FER1L5: variants seen among roughly 807,000 people sequenced by gnomAD.
The protein encoded by FER1L5 is fer-1-like protein 5.
A neutral mutation model predicts 279.9 loss-of-function variants in FER1L5; 187 were observed. That is an observed-to-expected ratio of 0.67 (90% CI 0.59 to 0.75). The LOEUF (loss-of-function observed/expected upper bound fraction) is 0.75. Ranked by LOEUF, FER1L5 falls within the 30% of genes least tolerant of loss-of-function variation. The pLI is 0.00. For synonymous variants in FER1L5, 921 were observed against 989.7 expected (o/e 0.93, Z 1.30); for missense variants, 2,091 against 2,594.4 (o/e 0.81, Z 4.21).
chr2:96,686,537 T>C (rs1311158932), intron 23 of FER1L5, among the ~76,000 whole-genome samples, 187 bp downstream of exon 23: 1 of 152,136 alleles, frequency 6.6e-6, no homozygotes, highest in Non-Finnish European at 1.5e-5. Context: ...TGATGCCAAG[T>C]CCATGTACCT....
At chr2:96,660,590 T>C (rs1163395157) in intron 10 of FER1L5, among the ~76,000 whole-genome samples, 1 of 152,276 alleles carries the variant, frequency 6.6e-6, no homozygotes, top group Non-Finnish European at 1.5e-5. Context: ...AGTCTCACTC[T>C]GTTGCCCAGG....
In FER1L5 at chr2:96,687,827, TGAA is replaced by T; in HGVS notation, c.2243_2245del (p.Glu748del). The stretch of plus-strand genomic sequence containing the variant: ...GGCCTCTGGCTCAGTACCCAGAGGG[TGAA>T]GGACAGAAGGATGTGCTCCCAGCTC... On this transcript the variant is annotated inframe_deletion, in exon 24 of 53. Coordinates refer to ENST00000624922, the MANE Select transcript of FER1L5 (RefSeq NM_001293083.2). The T allele has an allele frequency of 1.3e-6, 2 of 1,550,538 alleles. No homozygotes were observed. The highest frequency in any genetic ancestry group is 1.7e-6 in the Non-Finnish European group (2 of 1,146,816).
In FER1L5 at chr2:96,642,819, A is replaced by G. The variant is rs2106392390; in HGVS notation, c.-18A>G. 1 of 1,549,906 alleles carries G rather than the reference A, an allele frequency of 6.5e-7. No individual in the cohort carries two copies. The highest frequency in any genetic ancestry group is 8.7e-7 in the Non-Finnish European group (1 of 1,146,172). On this transcript the variant is annotated 5_prime_UTR_variant, in exon 1 of 53. Coordinates refer to ENST00000624922, the MANE Select transcript of FER1L5 (RefSeq NM_001293083.2). The stretch of plus-strand genomic sequence containing the variant: ...GTGGCGCTGCGTAGGGAAGGAGGGA[A>G]GAAAGTAGGTCTCCGAGATGCTGCG...
chr2:96,698,750 G>A lies in FER1L5; in HGVS notation c.4436G>A (p.Arg1479Lys), dbSNP rs2077477236. The stretch of plus-strand genomic sequence containing the variant: ...CTGCAGTTCTTGGTTTGGCCAGAGA[G>A]AGAGGACTTCCCCCAGCCGTGCTTG... ...PPLQFLVWPE[R>K]EDFPQPCLVR... Residue 1479 changes from arginine (R) to lysine (K), a missense_variant, in exon 41 of 53, where the codon AGA (arginine) becomes AAA (lysine). Coordinates refer to ENST00000624922, the MANE Select transcript of FER1L5 (RefSeq NM_001293083.2). This position sits in a 1 kb window ranked among gnomAD's most constrained non-coding sequence, Gnocchi z 5.5. 3.2e-6 allele frequency: 5 copies of A among 1,573,788 alleles called. No homozygotes were observed. Among genetic ancestry groups the A allele is most frequent in the Non-Finnish European group, 4.3e-6 (5 of 1,160,304 alleles).
Position 96,694,157 on chromosome 2 carries a change from C to A in FER1L5, c.3636+85C>A. The A allele has an allele frequency of 6.8e-7, 1 of 1,462,448 alleles. No individual in the cohort carries two copies. Among genetic ancestry groups the A allele is most frequent in the Non-Finnish European group, 9.0e-7 (1 of 1,105,398 alleles). The allele number at this position is 1,462,448 out of a possible 1,614,324, so 90.6% of individuals were successfully genotyped here. On this transcript the variant is annotated intron_variant, in intron 33 of 52. Coordinates refer to ENST00000624922, the MANE Select transcript of FER1L5 (RefSeq NM_001293083.2). The surrounding 1 kb of genome is among the most constrained non-coding windows in gnomAD (Gnocchi z 4.6). ...CCCCAGCCAGCGGGGGCCAACTCCA[C>A]CCTGTCAGGAAATGCCTGGGGCCCA... is the stretch of plus-strand genomic sequence containing the variant.
intron 19 of FER1L5, among the ~76,000 whole-genome samples, chr2:96,677,969 C>A (rs1386254414): frequency 6.6e-6 from 1 of 151,960 alleles, no homozygotes; most frequent in East Asian, 1.9e-4. Context: ...GTGGCCACAC[C>A]ATTTTATATT....
rs1401213704 is a variant in FER1L5, at chr2:96,684,310, G to C, written c.1670-17G>C. ...TCCCCCAGACACCCCATCCCTCCAT[G>C]TGTCTCTGTGTCTCAGGGAACATCT... is the stretch of plus-strand genomic sequence containing the variant. On this transcript the variant is annotated splice_polypyrimidine_tract_variant and intron_variant, in intron 19 of 52. Coordinates refer to ENST00000624922, the MANE Select transcript of FER1L5 (RefSeq NM_001293083.2). 1.3e-6 allele frequency: 2 copies of C among 1,550,242 alleles called. No individual in the cohort carries two copies. Among genetic ancestry groups the C allele is most frequent in the Non-Finnish European group, 1.7e-6 (2 of 1,145,948 alleles).
rs551280995 is a variant in FER1L5 at position 96,688,751 on chromosome 2, C to T, written c.2362-462C>T. Among the ~76,000 whole-genome samples the T allele has an allele frequency of 1.8e-4, 27 of 152,130 alleles. No homozygotes were observed. In the East Asian group the frequency reaches 4.1e-3, roughly 23 times the overall value. On this transcript the variant is annotated intron_variant, in intron 24 of 52. Transcript: ENST00000624922. Reference sequence around the variant, plus strand: ...CAGGGAGCAGGGCCTGCATGCTCAGCGGGCACCGGAGGACTGGGCTGGTGC... The same window carrying T: ...CAGGGAGCAGGGCCTGCATGCTCAGTGGGCACCGGAGGACTGGGCTGGTGC...
At chr2:96,696,643 G>A (rs538132165) in intron 37 of FER1L5, among the ~76,000 whole-genome samples, 1 of 151,584 alleles carries the variant, frequency 6.6e-6, no homozygotes, top group Admixed American at 6.6e-5. Flanking sequence ...GCTCACATCT[G>A]TAATCCCAGC....
intron 8 of FER1L5, 27 bp downstream of exon 8, chr2:96,653,729 A>T (rs2075478700): frequency 6.5e-7 from 1 of 1,539,200 alleles, no homozygotes; most frequent in African/African-American, 1.4e-5. Context: ...GTCCCCAGCA[A>T]GGTGGGTTTC....
chr2:96,654,672 G>A (rs558093302), intron 9 of FER1L5, 176 bp downstream of exon 9: 55 of 350,138 alleles, frequency 1.6e-4, no homozygotes, highest in East Asian at 1.3e-3. Context: ...GGCCGAGGCC[G>A]GTGGATCACG....
chr2:96,649,229 C>T (rs996964684), intron 4 of FER1L5, among the ~76,000 whole-genome samples: 4 of 152,168 alleles, frequency 2.6e-5, no homozygotes, highest in Admixed American at 6.5e-5. Flanking sequence ...AAGGAAGGAG[C>T]TCAGTTAGAA....
intron 14 of FER1L5, among the ~76,000 whole-genome samples, chr2:96,664,354 C>G (rs564254444): frequency 6.6e-6 from 1 of 152,144 alleles, no homozygotes; most frequent in Admixed American, 6.5e-5. Context: ...ATTCCACCCC[C>G]TCCCATCCCC....
rs1357496741 is a variant in FER1L5 at position 96,694,718 on chromosome 2, C to T, written c.3741+254C>T. 4 of 363,436 alleles carry T rather than the reference C, an allele frequency of 1.1e-5. No homozygotes were observed. The highest frequency in any genetic ancestry group is 4.2e-5 in the East Asian group (1 of 23,602). The allele number at this position is 363,436 out of a possible 1,614,324, so 22.5% of individuals were successfully genotyped here. A position where few individuals can be genotyped will look rare whatever the true frequency, so the allele number is the denominator to read the frequency against. On this transcript the variant is annotated intron_variant, in intron 34 of 52. Coordinates refer to ENST00000624922, the MANE Select transcript of FER1L5 (RefSeq NM_001293083.2). This position sits in a 1 kb window ranked among gnomAD's most constrained non-coding sequence, Gnocchi z 4.6. ...CATGCATGATCACTTGTGGGACTCACGCTGCCCCTGCGCAGTAGCAACTAC... is the reference window on the plus strand; with the variant it reads ...CATGCATGATCACTTGTGGGACTCATGCTGCCCCTGCGCAGTAGCAACTAC...
At position 96,697,650 on chromosome 2, in the gene FER1L5, T is replaced by A; in HGVS notation, c.4135-10T>A. ...CTGCCCGAGGCCAGAATGATCCTCT[T>A]CTCTGCCAGGATGAGTATGAGCATG... On this transcript the variant is annotated splice_polypyrimidine_tract_variant and intron_variant, in intron 38 of 52. Transcript: ENST00000624922. 1 of 1,613,968 alleles carries A rather than the reference T, an allele frequency of 6.2e-7. No homozygotes were observed. The highest frequency in any genetic ancestry group is 8.5e-7 in the Non-Finnish European group (1 of 1,179,866).
intron 44 of FER1L5, 102 bp downstream of exon 44, chr2:96,700,182 A>G (rs555989516): frequency 6.4e-7 from 1 of 1,556,312 alleles, no homozygotes; most frequent in Non-Finnish European, 8.7e-7. Context: ...AAAGGGGAGG[A>G]CAAGGAAAGA....
rs746037608 is a variant in FER1L5 at position 96,695,830 on chromosome 2, A to C, written c.3983A>C (p.Gln1328Pro). 2 of 1,613,388 alleles carry C rather than the reference A, an allele frequency of 1.2e-6. No homozygotes were observed. The highest frequency in any genetic ancestry group is 1.7e-5 in the Admixed American group (1 of 59,940). Residue 1328 changes from glutamine (Q) to proline (P), a missense_variant, in exon 36 of 53, where the codon CAG becomes CCG. Gln to Pro is a moderately conservative substitution (Grantham distance 76). Transcript: ENST00000624922. Reference sequence around the variant, plus strand: ...TTCGGCCAGCAGACCGTGACGGGCCAGGCCAACATCGACTTCCTCCAGCCC... The same window carrying C: ...TTCGGCCAGCAGACCGTGACGGGCCCGGCCAACATCGACTTCCTCCAGCCC... ...WAFGQQTVTG[Q>P]ANIDFLQPYF...
rs568826506 is a variant in FER1L5 at position 96,691,323 on chromosome 2, C to G, written c.2877C>G (p.His959Gln). 1.3e-6 allele frequency: 2 copies of G among 1,550,336 alleles called. No homozygotes were observed. Among genetic ancestry groups the G allele is most frequent in the Non-Finnish European group, 1.7e-6 (2 of 1,146,696 alleles). ...TCAGGAACCATGGGGAGCTGAGCCACGAGCAGGAGACCCTCTCCTTCCTGC... is the reference window on the plus strand; with the variant it reads ...TCAGGAACCATGGGGAGCTGAGCCAGGAGCAGGAGACCCTCTCCTTCCTGC... The part of the protein sequence containing the change: ...VRFRNHGELS[H>Q]EQETLSFLQL... Residue 959 changes from histidine (H) to glutamine (Q), a missense_variant, in exon 28 of 53, where the codon CAC becomes CAG. Transcript: ENST00000624922. This position sits in a 1 kb window ranked among gnomAD's most constrained non-coding sequence, Gnocchi z 6.0.
At position 96,692,785 on chromosome 2, in the gene FER1L5, C is replaced by T. The variant is rs533782581; in HGVS notation, c.3292+604C>T. ...TGTAGGGAGTGGGGACAGTAGGTGG[C>T]AGGGCTCCAAGGGAGCTGTGTCCCT... On this transcript the variant is annotated intron_variant, in intron 31 of 52. Coordinates refer to ENST00000624922, the MANE Select transcript of FER1L5 (RefSeq NM_001293083.2). Among the ~76,000 whole-genome samples, 4 of 152,184 alleles carry T rather than the reference C, an allele frequency of 2.6e-5. No homozygotes were observed. The South Asian group carries it at 6.2e-4, about 24-fold the overall frequency.
Sources: allele counts gnomAD v4.1 joint callset (sites outside exome capture counted in the v4.1 genomes callset), GRCh38; gene constraint gnomAD v4.1.1; non-coding constraint Gnocchi (gnomAD v3.1); transcripts MANE v1.5; gene names NCBI Gene and HGNC (gene_info 2026-07-23, HGNC 2026-07-21).